NETO2: variants seen among roughly 807,000 people sequenced by gnomAD.
NETO2 encodes neuropilin and tolloid-like protein 2.
Under a neutral mutation model 62.5 loss-of-function variants are expected in NETO2, and 28 were observed. The observed-to-expected ratio is 0.45, with a 90% CI of 0.33 to 0.61. The LOEUF is 0.61. NETO2 is among the 20% of genes least tolerant of loss of function. The probability of loss-of-function intolerance (pLI) is 0.02; values close to 1 mark genes in which losing one functional copy is unlikely to be tolerated. For missense variants in NETO2, 548 were observed against 643.2 expected (o/e 0.85, Z 1.60); for synonymous variants, 214 against 219.1 (o/e 0.98, Z 0.21).
chr16:47,102,634 A>G (rs1367003047), intron 7 of NETO2, among the ~76,000 whole-genome samples: 1 of 151,958 alleles, frequency 6.6e-6, no homozygotes. Context: ...TGGGTGAAGG[A>G]TATGAACATA....
intron 1 of NETO2, among the ~76,000 whole-genome samples, chr16:47,135,168 CTT>C (rs748499109): frequency 2.6e-5 from 4 of 152,168 alleles, no homozygotes; most frequent in Non-Finnish European, 5.9e-5. Flanking sequence ...ATAACAAGGT[CTT>C]TGTACACTGC....
intron 7 of NETO2, among the ~76,000 whole-genome samples, chr16:47,092,511 C>T (rs1291876604): frequency 1.3e-5 from 2 of 152,078 alleles, no homozygotes; most frequent in East Asian, 1.9e-4. Flanking sequence ...TCGGTTTAGA[C>T]GGGCCATGTT....
chr16:47,094,281 T>TA (rs397741468), intron 7 of NETO2, among the ~76,000 whole-genome samples: 8 of 151,492 alleles, frequency 5.3e-5, no homozygotes, highest in East Asian at 1.9e-4. Context: ...TTTTTTTTTT[T>TA]AATCCTTAGC....
intron 7 of NETO2, among the ~76,000 whole-genome samples, chr16:47,104,456 CAA>C (rs1476171507): frequency 6.6e-6 from 1 of 152,172 alleles, no homozygotes; most frequent in African/African-American, 2.4e-5. Context: ...CAATATTACT[CAA>C]AGTGACCCAC....
At chr16:47,101,039 G>C (rs8048801) in intron 7 of NETO2, among the ~76,000 whole-genome samples, 15,437 of 152,196 alleles carry the variant, frequency 0.1, 1,524 homozygotes, top group African/African-American at 0.26. Context: ...GAACATCGAT[G>C]TGAAGATCCT....
intron 7 of NETO2, among the ~76,000 whole-genome samples, 193 bp from the exon 8 acceptor site, chr16:47,086,532 T>A (rs1596698738): frequency 6.6e-6 from 1 of 152,238 alleles, no homozygotes; most frequent in Admixed American, 6.5e-5. Context: ...TTTCTTATGC[T>A]AGGCCCCAAA....
chr16:47,103,976 C>T (rs1315511897), intron 7 of NETO2, among the ~76,000 whole-genome samples: 3 of 152,084 alleles, frequency 2.0e-5, no homozygotes, highest in African/African-American at 4.8e-5. Context: ...AAGACAGATA[C>T]CCAATTTCAC....
chr16:47,102,307 T>G (rs1471190125), intron 7 of NETO2, among the ~76,000 whole-genome samples: 1 of 152,140 alleles, frequency 6.6e-6, no homozygotes, highest in African/African-American at 2.4e-5. Flanking sequence ...ACTAAAGCCT[T>G]AAACATAAGA....
chr16:47,109,138 T>C (rs1963735974), intron 7 of NETO2, among the ~76,000 whole-genome samples: 2 of 152,094 alleles, frequency 1.3e-5, no homozygotes, highest in African/African-American at 4.8e-5. Flanking sequence ...GACCAAGATA[T>C]AGTTGCTCCT....
In NETO2 at chr16:47,143,805, G is replaced by T. The variant is rs2151499285; in HGVS notation, c.-193C>A. 1.4e-6 allele frequency: 1 copy of T among 727,138 alleles called. No homozygotes were observed. Among genetic ancestry groups the T allele is most frequent in the African/African-American group, 1.9e-5 (1 of 53,816 alleles). 45.0% of individuals were successfully genotyped at this position (727,138 alleles called of 1,614,324 possible). ...GAGCCCCACAGTGGGCTCCCGCGCG[G>T]CCCGAGCACCCCGACGGGCGCCGCC... On this transcript the variant is annotated 5_prime_UTR_variant, in exon 1 of 9. Transcript: ENST00000562435.
rs775571907 is a variant in NETO2, at chr16:47,083,218, A to T, written c.*3T>A. On this transcript the variant is annotated 3_prime_UTR_variant, in exon 9 of 9. Coordinates refer to ENST00000562435, the MANE Select transcript of NETO2 (RefSeq NM_018092.5). ...AAGAATTCACATCACCATTAGCAGAAGATTAGAAGTCAATGGATATGGATG... is the reference window on the plus strand; with the variant it reads ...AAGAATTCACATCACCATTAGCAGATGATTAGAAGTCAATGGATATGGATG... 3 of 1,600,014 alleles carry T rather than the reference A, an allele frequency of 1.9e-6. No homozygotes were observed. The highest frequency in any genetic ancestry group is 1.7e-5 in the Admixed American group (1 of 58,954).
chr16:47,122,800 G>T lies in NETO2; in HGVS notation c.527-16C>A. On this transcript the variant is annotated splice_polypyrimidine_tract_variant and intron_variant, in intron 5 of 8. Transcript: ENST00000562435. Reference sequence around the variant, plus strand: ...AACTGACAATCTGGAAGGAATACATGAAAGGTGTTCAAAGGAACATAAGAC... The same window carrying T: ...AACTGACAATCTGGAAGGAATACATTAAAGGTGTTCAAAGGAACATAAGAC... The T allele has an allele frequency of 6.2e-7, 1 of 1,613,978 alleles. No homozygotes were observed. Among genetic ancestry groups the T allele is most frequent in the East Asian group, 2.2e-5 (1 of 44,878 alleles).
rs1165245659 is a variant in NETO2 at position 47,119,300 on chromosome 16, C to T, written c.654+3357G>A. On this transcript the variant is annotated intron_variant, in intron 6 of 8. Coordinates refer to ENST00000562435, the MANE Select transcript of NETO2 (RefSeq NM_018092.5). ...CTGAGTAGCTGGGACTACAGGCGCC[C>T]GCCACCACGCCCGGCTAATTTTTTG... Among the ~76,000 whole-genome samples, 5 of 151,670 alleles carry T rather than the reference C, an allele frequency of 3.3e-5. No individual in the cohort carries two copies. The East Asian group carries it at 5.8e-4, about 18-fold the overall frequency.
chr16:47,112,404 G>A (rs928601635), intron 6 of NETO2, among the ~76,000 whole-genome samples: 1 of 152,090 alleles, frequency 6.6e-6, no homozygotes, highest in African/African-American at 2.4e-5. Flanking sequence ...TGTCTCCTAG[G>A]TTGGAGTTCA....
At chr16:47,099,525 A>G (rs2143852608) in intron 7 of NETO2, among the ~76,000 whole-genome samples, 1 of 152,324 alleles carries the variant, frequency 6.6e-6, no homozygotes, top group African/African-American at 2.4e-5. Flanking sequence ...GGCAAATTGG[A>G]TAGAGTCAAG....
At chr16:47,101,992 A>G (rs1373330195) in intron 7 of NETO2, among the ~76,000 whole-genome samples, 1 of 152,254 alleles carries the variant, frequency 6.6e-6, no homozygotes, top group Non-Finnish European at 1.5e-5. Context: ...CTAAGCAAAA[A>G]GAACAAAGCT....
intron 6 of NETO2, among the ~76,000 whole-genome samples, chr16:47,112,722 A>AT (rs1249426376): frequency 6.6e-6 from 1 of 152,160 alleles, no homozygotes. Flanking sequence ...AACTGTAATA[A>AT]TTTTTTTAAG....
At chr16:47,135,523 T>C (rs1299122137) in intron 1 of NETO2, among the ~76,000 whole-genome samples, 1 of 152,222 alleles carries the variant, frequency 6.6e-6, no homozygotes, top group African/African-American at 2.4e-5. Flanking sequence ...ATGTTACTCC[T>C]GGTTCTAGAG....
At chr16:47,127,964 C>A (rs1341206641) in intron 4 of NETO2, among the ~76,000 whole-genome samples, 1 of 152,146 alleles carries the variant, frequency 6.6e-6, no homozygotes, top group Non-Finnish European at 1.5e-5. Flanking sequence ...TGAGAAAAAT[C>A]ATACAAAACA....
Sources: gnomAD v4.1 joint callset for allele counts (sites outside exome capture counted in the v4.1 genomes callset) on GRCh38, gnomAD v4.1.1 for gene constraint, MANE v1.5 for transcripts, NCBI Gene and HGNC (gene_info 2026-07-23, HGNC 2026-07-21) for gene names.